The following SORCS1 variants were observed in gnomAD, a reference collection of about 807,000 sequenced individuals.
SORCS1 encodes VPS10 domain-containing receptor SorCS1.
SORCS1 carries 60 observed loss-of-function variants against 146.1 expected under a neutral mutation model. That is an observed-to-expected ratio of 0.41 (90% CI 0.33 to 0.51). The LOEUF (loss-of-function observed/expected upper bound fraction) is 0.51. SORCS1 is among the 20% of genes least tolerant of loss of function. SORCS1 has a pLI of 0.21. For missense variants in SORCS1, 1,352 were observed against 1,487.6 expected (o/e 0.91, Z 1.50); for synonymous variants, 637 against 584.0 (o/e 1.09, Z -1.31).
intron 8 of SORCS1, among the ~76,000 whole-genome samples, chr10:106,704,252 T>C (rs1854345541): frequency 6.6e-6 from 1 of 152,196 alleles, no homozygotes; most frequent in South Asian, 2.1e-4. Context: ...GGGGTGATGA[T>C]GCTATGTTTT....
chr10:106,807,674 C>G (rs1057197977), intron 3 of SORCS1, among the ~76,000 whole-genome samples: 1 of 152,334 alleles, frequency 6.6e-6, no homozygotes, highest in South Asian at 2.1e-4. Flanking sequence ...TAATTGCATT[C>G]CACCAGGTAG....
At chr10:106,881,164 C>T (rs377556929) in intron 2 of SORCS1, among the ~76,000 whole-genome samples, 7 of 151,438 alleles carry the variant, frequency 4.6e-5, no homozygotes, top group East Asian at 1.9e-4. Context: ...AGAGGTTATG[C>T]GGTCCAGTAA....
chr10:106,622,352 C>G (rs1228996846), intron 19 of SORCS1, among the ~76,000 whole-genome samples: 2 of 134,292 alleles, frequency 1.5e-5, no homozygotes, highest in Non-Finnish European at 3.1e-5. Flanking sequence ...TGATAGCTAA[C>G]ACACATTGAT....
At chr10:106,628,205 G>T (rs1340934676) in intron 19 of SORCS1, among the ~76,000 whole-genome samples, 1 of 152,168 alleles carries the variant, frequency 6.6e-6, no homozygotes, top group Non-Finnish European at 1.5e-5. Flanking sequence ...TGACATGTTA[G>T]GAAGACTCAA....
chr10:106,777,788 A>C (rs1456895920), intron 3 of SORCS1, among the ~76,000 whole-genome samples: 1 of 152,174 alleles, frequency 6.6e-6, no homozygotes, highest in African/African-American at 2.4e-5. Flanking sequence ...TGGGTCTTTC[A>C]TTCAAAGTGT....
the SORCS1 span, among the ~76,000 whole-genome samples, chr10:107,176,186 AT>A: frequency 2.6e-5 from 4 of 151,980 alleles, no homozygotes; most frequent in South Asian, 8.3e-4. Flanking sequence ...TTCATGAGTT[AT>A]TAAAAAGTAT....
chr10:106,823,285 G>A (rs1353291428), intron 3 of SORCS1, among the ~76,000 whole-genome samples: 2 of 152,134 alleles, frequency 1.3e-5, no homozygotes, highest in Non-Finnish European at 2.9e-5. Context: ...TCAAGTGAGT[G>A]CTATGCAAAG....
intron 2 of SORCS1, among the ~76,000 whole-genome samples, chr10:106,854,048 G>C (rs1949692583): frequency 1.3e-5 from 2 of 151,758 alleles, no homozygotes. Flanking sequence ...GAAAGACGAT[G>C]TTAAGGTCTC....
chr10:107,110,449 CA>C (rs949668392), intron 1 of SORCS1, among the ~76,000 whole-genome samples: 2 of 151,962 alleles, frequency 1.3e-5, no homozygotes, highest in African/African-American at 4.8e-5. Flanking sequence ...TGGTGGAAGG[CA>C]AAGGGGGAAT....
At chr10:106,853,144 T>C (rs1405411528) in intron 2 of SORCS1, among the ~76,000 whole-genome samples, 1 of 152,236 alleles carries the variant, frequency 6.6e-6, no homozygotes, top group African/African-American at 2.4e-5. Context: ...ATTCAATTTC[T>C]TTAATAGTTA....
At chr10:106,874,737 G>A (rs1388358070) in intron 2 of SORCS1, among the ~76,000 whole-genome samples, 1 of 152,174 alleles carries the variant, frequency 6.6e-6, no homozygotes, top group East Asian at 1.9e-4. Flanking sequence ...TGTATTAGAG[G>A]AACCACAAGA....
intron 1 of SORCS1, among the ~76,000 whole-genome samples, chr10:106,970,502 C>T (rs974611593): frequency 1.3e-5 from 2 of 152,022 alleles, no homozygotes; most frequent in South Asian, 2.1e-4. Flanking sequence ...CCACGCCCGG[C>T]TAATTTTTTA....
intron 1 of SORCS1, among the ~76,000 whole-genome samples, chr10:106,962,394 C>CAAAAAA (rs60616146): frequency 3.8e-4 from 24 of 62,390 alleles, no homozygotes; most frequent in African/African-American, 9.1e-4. Flanking sequence ...AACTCCATCT[C>CAAAAAA]AAAAAAAAAA....
At chr10:107,018,309 G>A (rs1207089549) in intron 1 of SORCS1, among the ~76,000 whole-genome samples, 1 of 151,718 alleles carries the variant, frequency 6.6e-6, no homozygotes, top group Non-Finnish European at 1.5e-5. Context: ...CGGGTAGCTG[G>A]GACTACAGGC....
At chr10:106,900,990 T>C (rs1297857568) in intron 2 of SORCS1, among the ~76,000 whole-genome samples, 2 of 152,216 alleles carry the variant, frequency 1.3e-5, no homozygotes, top group Non-Finnish European at 2.9e-5. Context: ...CTAACTTTCT[T>C]CTTCTGATCT....
chr10:107,103,783 C>A (rs913314926), intron 1 of SORCS1, among the ~76,000 whole-genome samples: 1 of 152,168 alleles, frequency 6.6e-6, no homozygotes, highest in Non-Finnish European at 1.5e-5. Context: ...AATGAGGAAT[C>A]CAGTAGCCAT....
At chr10:106,995,995 G>T (rs750074977) in intron 1 of SORCS1, among the ~76,000 whole-genome samples, 6 of 151,996 alleles carry the variant, frequency 3.9e-5, no homozygotes, top group Non-Finnish European at 8.8e-5. Flanking sequence ...TTGGGAGGCC[G>T]AAGCGGGTAG....
At chr10:106,793,736 C>A (rs1465445187) in intron 3 of SORCS1, among the ~76,000 whole-genome samples, 1 of 152,188 alleles carries the variant, frequency 6.6e-6, no homozygotes, top group East Asian at 1.9e-4. Context: ...TCCAAGCATA[C>A]TTTATAGCTA....
chr10:107,140,891 C>T (rs1178239113), intron 1 of SORCS1, among the ~76,000 whole-genome samples: 1 of 152,112 alleles, frequency 6.6e-6, no homozygotes, highest in South Asian at 2.1e-4. Flanking sequence ...ATTAAATGAC[C>T]AGTCCAATAT....
Sources: gnomAD v4.1 joint callset for allele counts (sites outside exome capture counted in the v4.1 genomes callset) on GRCh38, gnomAD v4.1.1 for gene constraint, MANE v1.5 for transcripts, NCBI Gene and HGNC (gene_info 2026-07-23, HGNC 2026-07-21) for gene names.